TTBK2: variants seen among roughly 807,000 people sequenced by gnomAD.
The protein encoded by TTBK2 is tau tubulin kinase 2, also known as tau-tubulin kinase 2.
Under a neutral mutation model 110.8 loss-of-function variants are expected in TTBK2, and 28 were observed. The observed-to-expected ratio is 0.25, with a 90% CI of 0.19 to 0.35. The LOEUF (loss-of-function observed/expected upper bound fraction) is 0.35. Among genes scored for constraint, TTBK2 ranks in the 10% least tolerant of loss-of-function variants. The pLI is 1.00. For missense variants in TTBK2, 1,369 were observed against 1,500.3 expected (o/e 0.91, Z 1.45); for synonymous variants, 532 against 527.3 (o/e 1.01, Z -0.12).
At chr15:42,872,466 GA>G in intron 3 of TTBK2, 144 bp downstream of exon 3, 1 of 915,636 alleles carries the variant, frequency 1.1e-6, no homozygotes, top group Middle Eastern at 3.4e-4. Flanking sequence ...AAATTTCCAA[GA>G]GAAAAATGCT....
chr15:42,818,899 G>C (rs1892161667), intron 6 of TTBK2, among the ~76,000 whole-genome samples: 1 of 143,952 alleles, frequency 6.9e-6, no homozygotes, highest in South Asian at 2.2e-4. Context: ...CTCCAGCCTG[G>C]GCGACAGAGC....
intron 9 of TTBK2, among the ~76,000 whole-genome samples, chr15:42,805,753 C>A (rs1367334953): frequency 6.6e-6 from 1 of 152,166 alleles, no homozygotes; most frequent in Non-Finnish European, 1.5e-5. Context: ...TGGGCATACA[C>A]CAGTGTTGTA....
intron 1 of TTBK2, among the ~76,000 whole-genome samples, chr15:42,881,638 C>T (rs1895054042): frequency 6.6e-6 from 1 of 152,042 alleles, no homozygotes; most frequent in Non-Finnish European, 1.5e-5. Context: ...CTTTGGGAGG[C>T]TGAGGCAGGC....
At position 42,829,985 on chromosome 15, in the gene TTBK2, T is replaced by C. The variant is rs1892682273; in HGVS notation, c.385A>G (p.Ile129Val). The C allele has an allele frequency of 1.2e-6, 2 of 1,614,176 alleles. No homozygotes were observed. The highest frequency in any genetic ancestry group is 2.2e-5 in the South Asian group (2 of 91,078). Residue 129 changes from isoleucine to valine, a missense_variant, in exon 5 of 15, where the codon ATT (isoleucine) becomes GTT (valine). Physicochemically the swap from Ile to Val is conservative, Grantham distance 29. This residue lies in a region of TTBK2 where 122 missense variants were observed against 159.7 expected (regional missense o/e 0.76). Transcript: ENST00000267890. ...LRLGRQILES[I>V]ESIHSVGFLH... is the part of the protein sequence containing the mutation. ...AATCCCACAGAATGAATGCTTTCAA[T>C]AGACTCCAAAATCTGTCTACCCAGC...
At chr15:42,878,498 C>CACAA (rs777322971) in intron 2 of TTBK2, 51 bp downstream of exon 2, 3 of 1,524,268 alleles carry the variant, frequency 2.0e-6, no homozygotes, top group South Asian at 1.2e-5. Context: ...TGTATACACA[C>CACAA]ACACACACAC....
chr15:42,815,958 A>ATATATATATATATATTTAAAAAAAAAT (rs1555427627), intron 7 of TTBK2, among the ~76,000 whole-genome samples: 4 of 91,716 alleles, frequency 4.4e-5, no homozygotes, highest in Non-Finnish European at 7.5e-5. Flanking sequence ...TTAAAAAAAA[A>ATATATATATATATATTTAAAAAAAAAT]ATATATATAT....
chr15:42,908,020 AAG>A (rs2030515477), intron 1 of TTBK2, among the ~76,000 whole-genome samples: 1 of 152,184 alleles, frequency 6.6e-6, no homozygotes, highest in South Asian at 2.1e-4. Context: ...CAAGAGGCAG[AAG>A]TTGTGGTGAG....
At chr15:42,798,634 C>A (rs917830414) in intron 9 of TTBK2, among the ~76,000 whole-genome samples, 1 of 152,086 alleles carries the variant, frequency 6.6e-6, no homozygotes, top group African/African-American at 2.4e-5. Context: ...TTTAAATGAA[C>A]CTTTAAGATA....
At chr15:42,914,932 C>A (rs1198772273) in intron 1 of TTBK2, among the ~76,000 whole-genome samples, 1 of 152,168 alleles carries the variant, frequency 6.6e-6, no homozygotes, top group Non-Finnish European at 1.5e-5. Context: ...TCCTGCAAAT[C>A]TCTGCTTCCA....
intron 6 of TTBK2, among the ~76,000 whole-genome samples, chr15:42,821,883 A>C (rs1433714233): frequency 6.6e-6 from 1 of 151,664 alleles, no homozygotes; most frequent in Non-Finnish European, 1.5e-5. Flanking sequence ...GTAGAGACGG[A>C]GTTCCACCGT....
intron 1 of TTBK2, among the ~76,000 whole-genome samples, chr15:42,891,411 C>G (rs1470010738): frequency 6.6e-6 from 1 of 150,742 alleles, no homozygotes; most frequent in Non-Finnish European, 1.5e-5. Context: ...TAGACTCAAT[C>G]GATCCTCCCA....
intron 2 of TTBK2, among the ~76,000 whole-genome samples, chr15:42,877,247 G>A (rs1444150046): frequency 6.6e-6 from 1 of 151,826 alleles, no homozygotes; most frequent in Non-Finnish European, 1.5e-5. Context: ...ATAGACAGAC[G>A]GACAATAAGA....
At chr15:42,802,291 GAGA>G (rs752155323) in intron 9 of TTBK2, 1 of 790,064 alleles carries the variant, frequency 1.3e-6, no homozygotes, top group East Asian at 2.4e-5. Flanking sequence ...GCCCATTCGG[GAGA>G]AGCTCGAGGA....
chr15:42,832,724 C>T (rs1356272806), intron 4 of TTBK2, among the ~76,000 whole-genome samples: 1 of 152,124 alleles, frequency 6.6e-6, no homozygotes, highest in Non-Finnish European at 1.5e-5. Flanking sequence ...CTCATACCAT[C>T]CTGCTCCGTC....
rs117893655 is a variant in TTBK2 at position 42,786,459 on chromosome 15, G to A, written c.981-2824C>T. Among the ~76,000 whole-genome samples, 333 of 152,296 alleles carry A rather than the reference G, an allele frequency of 2.2e-3. 11 individuals are homozygous for A. In the East Asian group the frequency reaches 0.053, roughly 24 times the overall value. On this transcript the variant is annotated intron_variant, in intron 10 of 14. Transcript: ENST00000267890. Reference sequence around the variant, plus strand: ...ATAGATGAATATTTGAACTCAAGAAGCTTAGTCTATTATCGTCACCTTTTT... The same window carrying A: ...ATAGATGAATATTTGAACTCAAGAAACTTAGTCTATTATCGTCACCTTTTT...
At chr15:42,851,703 T>C (rs1770843350) in intron 3 of TTBK2, among the ~76,000 whole-genome samples, 1 of 152,046 alleles carries the variant, frequency 6.6e-6, no homozygotes, top group Non-Finnish European at 1.5e-5. Context: ...TATATGTGTA[T>C]ATATATATCT....
rs1360167831 is a variant in TTBK2 at position 42,740,556 on chromosome 15, T to TTC, written c.*5238_*5239insGA. Reference sequence around the variant, plus strand: ...ATAGACTTTATTTTTGTTTTACTTTTTTTTTTTTTTTTTTTTGAGACGGAG... The same window carrying TTC: ...ATAGACTTTATTTTTGTTTTACTTTTTCTTTTTTTTTTTTTTTTGAGACGGAG... On this transcript the variant is annotated 3_prime_UTR_variant, in exon 15 of 15. Transcript: ENST00000267890. 1 of 148,456 alleles carries TTC rather than the reference T, an allele frequency of 6.7e-6. No homozygotes were observed. The highest frequency in any genetic ancestry group is 1.9e-4 in the East Asian group (1 of 5,156). 9.2% of individuals were successfully genotyped at this position (148,456 alleles called of 1,614,324 possible). A position where few individuals can be genotyped will look rare whatever the true frequency, so the allele number is the denominator to read the frequency against.
chr15:42,802,540 T>A, intron 9 of TTBK2: 1 of 444,028 alleles, frequency 2.3e-6, no homozygotes, highest in Admixed American at 3.4e-5. Flanking sequence ...AAAATTTAAC[T>A]GCACCCATCC....
At chr15:42,914,922 T>A (rs1406013578) in intron 1 of TTBK2, among the ~76,000 whole-genome samples, 1 of 152,192 alleles carries the variant, frequency 6.6e-6, no homozygotes, top group Admixed American at 6.5e-5. Flanking sequence ...TAATTCCTTC[T>A]CCTGCAAATC....
Sources: gnomAD v4.1 joint callset for allele counts (sites outside exome capture counted in the v4.1 genomes callset) on GRCh38, gnomAD v4.1.1 for gene constraint, gnomAD v4.1.1 regional missense constraint, MANE v1.5 for transcripts, NCBI Gene and HGNC (gene_info 2026-07-23, HGNC 2026-07-21) for gene names.